Variants in SLC13A4 observed in about 807,000 individuals in gnomAD.
SLC13A4 encodes Na(+)/sulfate cotransporter SUT-1.
A neutral mutation model predicts 72.7 loss-of-function variants in SLC13A4; 28 were observed. The observed-to-expected ratio is 0.39, with a 90% CI of 0.29 to 0.53. SLC13A4 has a LOEUF of 0.53. SLC13A4 is among the 20% of genes least tolerant of loss of function. The pLI is 0.78. For missense variants in SLC13A4, 653 were observed against 788.0 expected (o/e 0.83, Z 2.05); for synonymous variants, 312 against 325.5 (o/e 0.96, Z 0.45).
At chr7:135,713,370 C>T (rs987215098) in intron 2 of SLC13A4, among the ~76,000 whole-genome samples, 4 of 152,016 alleles carry the variant, frequency 2.6e-5, no homozygotes, top group Non-Finnish European at 5.9e-5. Flanking sequence ...AAGGAGGTCC[C>T]CTTGACAAGG....
chr7:135,720,324 C>T (rs777331052), intron 2 of SLC13A4, among the ~76,000 whole-genome samples: 2 of 152,090 alleles, frequency 1.3e-5, no homozygotes, highest in Non-Finnish European at 2.9e-5. Flanking sequence ...AATTCTGCTA[C>T]TTTCAGCTTT....
At position 135,727,816 on chromosome 7, in the gene SLC13A4, G is replaced by C; in HGVS notation, c.-320C>G. 3.2e-6 allele frequency: 1 copy of C among 312,056 alleles called. No homozygotes were observed. Among genetic ancestry groups the C allele is most frequent in the South Asian group, 1.1e-4 (1 of 8,718 alleles). The allele number at this position is 312,056 out of a possible 1,614,324, so 19.3% of individuals were successfully genotyped here. ...TTAGTAATAGAGTAACTTCATTCTA[G>C]GTGTCAGCAGAAACCCCCTTAATCC... On this transcript the variant is annotated 5_prime_UTR_variant, in exon 1 of 16. Coordinates refer to ENST00000682651, the MANE Select transcript of SLC13A4 (RefSeq NM_001318192.2).
At chr7:135,718,101 ACGCGTGCGCGCT>A (rs1279858080) in intron 2 of SLC13A4, among the ~76,000 whole-genome samples, 2 of 148,498 alleles carry the variant, frequency 1.3e-5, no homozygotes, top group Non-Finnish European at 3.0e-5. Context: ...GCGCGCGCGC[ACGCGTGCGCGCT>A]AGTCTCCTCT....
intron 1 of SLC13A4, among the ~76,000 whole-genome samples, chr7:135,722,273 CA>C: frequency 6.6e-6 from 1 of 151,312 alleles, no homozygotes; most frequent in East Asian, 1.9e-4. Context: ...AGCAAACAAA[CA>C]AAAAAAACAG....
chr7:135,693,034 G>A (rs184617420), intron 10 of SLC13A4: 1 of 147,500 alleles, frequency 6.8e-6, no homozygotes, highest in African/African-American at 2.5e-5. Flanking sequence ...CCAGGAGGTG[G>A]AGGTTTCAGC....
At position 135,691,655 on chromosome 7, in the gene SLC13A4, A is replaced by G. The variant is rs570406948; in HGVS notation, c.1224-10T>C. On this transcript the variant is annotated splice_polypyrimidine_tract_variant and intron_variant, in intron 11 of 15. Transcript: ENST00000682651. ...AGTACGGTAGCCTTTCCTAGTAAAG[A>G]GACAAGCATAGCTGAGGAGAAGGGT... 3 of 1,589,786 alleles carry G rather than the reference A, an allele frequency of 1.9e-6. No individual in the cohort carries two copies. In the South Asian group the frequency reaches 3.3e-5, roughly 18 times the overall value.
intron 7 of SLC13A4, among the ~76,000 whole-genome samples, chr7:135,699,811 C>T (rs1423449644): frequency 6.6e-6 from 1 of 152,142 alleles, no homozygotes; most frequent in Non-Finnish European, 1.5e-5. Flanking sequence ...TAGAACACTT[C>T]CTGGCATTTA....
chr7:135,717,726 G>T lies in SLC13A4; in HGVS notation c.228+3669C>A, dbSNP rs375508349. 8.5e-5 allele frequency among the ~76,000 whole-genome samples: 13 copies of T among 152,166 alleles called. No homozygotes were observed. In the East Asian group the frequency reaches 2.1e-3, roughly 25 times the overall value. On this transcript the variant is annotated intron_variant, in intron 2 of 15. Transcript: ENST00000682651. ...TGTCAACTTGGGTGGACCATGGGGT[G>T]CCCAGATTAAGCATTGCTTCTGGGT...
At chr7:135,710,805 T>C (rs1796283452) in intron 2 of SLC13A4, among the ~76,000 whole-genome samples, 2 of 152,212 alleles carry the variant, frequency 1.3e-5, no homozygotes, top group Non-Finnish European at 2.9e-5. Context: ...ACATCTGCCC[T>C]CACTGTGACC....
rs759375725 is a variant in SLC13A4 at position 135,681,568 on chromosome 7, C to T, written c.1879G>A (p.Ala627Thr). The T allele has an allele frequency of 6.2e-7, 1 of 1,613,424 alleles. No homozygotes were observed. Among genetic ancestry groups the T allele is most frequent in the South Asian group, 1.1e-5 (1 of 90,966 alleles). The change falls in exon 16 of 16, where the codon GCC (alanine) becomes ACC (threonine). Residue 627 changes from alanine to threonine, a missense_variant. Ala to Thr is a moderately conservative substitution (Grantham distance 58). Coordinates refer to ENST00000682651, the MANE Select transcript of SLC13A4 (RefSeq NM_001318192.2). ...WARVSNITDQ[A>T] ...GCCAGTTTGTACACTTGGCGTTAGG[C>T]TTGATCAGTGATGTTGCTGACCCTC...
At chr7:135,722,945 G>T (rs1301014536) in intron 1 of SLC13A4, among the ~76,000 whole-genome samples, 1 of 152,122 alleles carries the variant, frequency 6.6e-6, no homozygotes, top group Non-Finnish European at 1.5e-5. Context: ...GTCAACCTTC[G>T]TACTACTGAC....
intron 7 of SLC13A4, 87 bp from the exon 8 acceptor site, chr7:135,699,635 G>A (rs779344552): frequency 3.5e-5 from 44 of 1,242,696 alleles, no homozygotes; most frequent in Non-Finnish European, 4.3e-5. Context: ...ATGGTACAGC[G>A]GAAAGGGTTT....
chr7:135,696,911 C>T (rs1795917018), intron 8 of SLC13A4, among the ~76,000 whole-genome samples: 1 of 152,200 alleles, frequency 6.6e-6, no homozygotes, highest in Admixed American at 6.5e-5. Flanking sequence ...ACTTTCCTCC[C>T]TTGGGTAGAG....
chr7:135,688,967 C>G (rs1795707146), intron 13 of SLC13A4: 1 of 151,952 alleles, frequency 6.6e-6, no homozygotes, highest in South Asian at 2.1e-4. Context: ...CTCACTGCAG[C>G]TTTGAACTCC....
intron 9 of SLC13A4, among the ~76,000 whole-genome samples, chr7:135,695,141 A>C (rs570105901): frequency 1.6e-4 from 25 of 152,346 alleles, no homozygotes; most frequent in African/African-American, 5.8e-4. Context: ...AGTTGGAATT[A>C]AGAACATTTC....
At chr7:135,713,059 A>T (rs940518216) in intron 2 of SLC13A4, among the ~76,000 whole-genome samples, 1 of 152,040 alleles carries the variant, frequency 6.6e-6, no homozygotes, top group Non-Finnish European at 1.5e-5. Context: ...AGGCGGCTGC[A>T]TTTTCCCGAT....
chr7:135,699,790 T>C (rs1444237108), intron 7 of SLC13A4, among the ~76,000 whole-genome samples: 2 of 152,216 alleles, frequency 1.3e-5, no homozygotes, highest in African/African-American at 4.8e-5. Context: ...AAGTAATATA[T>C]GTAAAGCGCT....
chr7:135,709,431 A>ATTTTTTTT lies in SLC13A4; in HGVS notation c.229-1182_229-1181insAAAAAAAA, dbSNP rs879324449. ...CCTTTCTTTCTTTTTTTTTTAAAAA[A>ATTTTTTTT]AAATTTGAGACAGGGTCTCACTCTG... On this transcript the variant is annotated intron_variant, in intron 2 of 15. Transcript: ENST00000682651. 1.3e-3 allele frequency among the ~76,000 whole-genome samples: 93 copies of ATTTTTTTT among 70,956 alleles called. No individual in the cohort carries two copies. In the Middle Eastern group the frequency reaches 0.029, roughly 22 times the overall value. The allele number at this position is 70,956 out of a possible 152,430, so 46.5% of individuals were successfully genotyped here. A position where few individuals can be genotyped will look rare whatever the true frequency, so the allele number is the denominator to read the frequency against.
intron 2 of SLC13A4, among the ~76,000 whole-genome samples, chr7:135,709,945 CT>C (rs1796260449): frequency 6.6e-6 from 1 of 152,162 alleles, no homozygotes; most frequent in African/African-American, 2.4e-5. Flanking sequence ...AATTTTTCGG[CT>C]GTGAATGGTT....
Sources: allele counts gnomAD v4.1 joint callset (sites outside exome capture counted in the v4.1 genomes callset), GRCh38; gene constraint gnomAD v4.1.1; transcripts MANE v1.5; gene names NCBI Gene and HGNC (gene_info 2026-07-23, HGNC 2026-07-21).